Variants in COL21A1 observed in about 807,000 individuals in gnomAD.
The protein encoded by COL21A1 is collagen alpha-1(XXI) chain.
A neutral mutation model predicts 137.9 loss-of-function variants in COL21A1; 149 were observed. That is an observed-to-expected ratio of 1.08 (90% CI 0.95 to 1.24). The LOEUF is 1.24. Among genes scored for constraint, COL21A1 ranks in the 50% most tolerant of loss-of-function variants. The probability of loss-of-function intolerance (pLI) is 0.00; values close to 1 mark genes in which losing one functional copy is unlikely to be tolerated. For synonymous variants in COL21A1, 456 were observed against 391.5 expected (o/e 1.16, Z -1.95); for missense variants, 1,167 against 1,158.4 (o/e 1.01, Z -0.11).
intron 11 of COL21A1, 27 bp downstream of exon 11, chr6:56,141,903 T>C: frequency 1.3e-6 from 2 of 1,576,188 alleles, no homozygotes; most frequent in Non-Finnish European, 1.7e-6. Context: ...ATAAAATTTA[T>C]AAAATGTATA....
intron 1 of COL21A1, among the ~76,000 whole-genome samples, chr6:56,267,734 G>T (rs943730073): frequency 2.8e-5 from 4 of 140,516 alleles, no homozygotes; most frequent in Non-Finnish European, 4.6e-5. Context: ...TCCAGCCTGG[G>T]CAACAGAGCA....
At chr6:56,164,165 G>GA (rs998565637) in intron 9 of COL21A1, among the ~76,000 whole-genome samples, 2 of 152,064 alleles carry the variant, frequency 1.3e-5, no homozygotes, top group South Asian at 4.1e-4. Flanking sequence ...GTATTTGGGG[G>GA]AAAAAAACAA....
intron 10 of COL21A1, among the ~76,000 whole-genome samples, chr6:56,142,696 C>T (rs1171153054): frequency 6.6e-6 from 1 of 152,216 alleles, no homozygotes; most frequent in African/African-American, 2.4e-5. Context: ...AGGCTCTAAA[C>T]ATTTATCTAG....
Position 56,097,845 on chromosome 6 carries a change from A to C in COL21A1, c.1812+3627T>G, listed in dbSNP as rs1301927799. 1.4e-3 allele frequency among the ~76,000 whole-genome samples: 66 copies of C among 45,994 alleles called. 6 individuals carry two copies. In the South Asian group the frequency reaches 0.04, roughly 28 times the overall value. The allele number at this position is 45,994 out of a possible 152,430, so 30.2% of individuals were successfully genotyped here. A position where few individuals can be genotyped will look rare whatever the true frequency, so the allele number is the denominator to read the frequency against. On this transcript the variant is annotated intron_variant, in intron 17 of 29. Transcript: ENST00000244728. ...TACATATAAATATATATAAATATAT[A>C]AATATATATAAATATATAAAAATAT... is the stretch of plus-strand genomic sequence containing the variant.
intron 17 of COL21A1, among the ~76,000 whole-genome samples, chr6:56,079,574 A>C (rs1392844646): frequency 1.3e-5 from 2 of 150,596 alleles, no homozygotes; most frequent in Non-Finnish European, 3.0e-5. Context: ...CCCACAGTTT[A>C]CTCCTTGGAT....
intron 1 of COL21A1, among the ~76,000 whole-genome samples, chr6:56,192,674 A>C (rs1310806265): frequency 6.6e-6 from 1 of 152,224 alleles, no homozygotes; most frequent in Non-Finnish European, 1.5e-5. Context: ...ATCATTAAAA[A>C]GTCAAGAAAC....
chr6:56,378,043 C>T (rs1346528992), intron 1 of COL21A1, among the ~76,000 whole-genome samples: 4 of 152,094 alleles, frequency 2.6e-5, no homozygotes, highest in East Asian at 1.9e-4. Context: ...CTAAAGAGCC[C>T]TTGGGCCCCA....
intron 1 of COL21A1, among the ~76,000 whole-genome samples, chr6:56,350,883 T>C (rs957012352): frequency 3.3e-5 from 5 of 152,210 alleles, no homozygotes; most frequent in Admixed American, 3.3e-4. Flanking sequence ...GAGGTCCCCG[T>C]TTCTGTCATG....
chr6:56,322,235 T>C (rs1222453168), intron 1 of COL21A1, among the ~76,000 whole-genome samples: 1 of 152,060 alleles, frequency 6.6e-6, no homozygotes, highest in East Asian at 1.9e-4. Context: ...GCAGCCAGCA[T>C]TGGTCAAGAG....
intron 1 of COL21A1, among the ~76,000 whole-genome samples, chr6:56,185,910 C>T (rs1241829838): frequency 6.6e-6 from 1 of 151,720 alleles, no homozygotes; most frequent in Non-Finnish European, 1.5e-5. Flanking sequence ...TAAAATAAAA[C>T]TATTTGTTTT....
intron 12 of COL21A1, among the ~76,000 whole-genome samples, chr6:56,135,300 A>G (rs1331606828): frequency 2.0e-5 from 3 of 152,190 alleles, no homozygotes; most frequent in Admixed American, 6.5e-5. Flanking sequence ...CAGTAGGAAA[A>G]TAAAAGATAT....
At chr6:56,132,078 T>C (rs967603252) in intron 12 of COL21A1, among the ~76,000 whole-genome samples, 3 of 149,718 alleles carry the variant, frequency 2.0e-5, no homozygotes, top group African/African-American at 7.3e-5. Context: ...ATATAAAAAA[T>C]AAATAGCTTT....
intron 1 of COL21A1, among the ~76,000 whole-genome samples, chr6:56,383,454 T>G (rs899948048): frequency 6.6e-6 from 1 of 152,242 alleles, no homozygotes; most frequent in Admixed American, 6.5e-5. Flanking sequence ...TCTGATAAAC[T>G]ATTCCACACT....
At chr6:56,244,479 C>T (rs1273661097) in intron 1 of COL21A1, among the ~76,000 whole-genome samples, 1 of 152,174 alleles carries the variant, frequency 6.6e-6, no homozygotes, top group African/African-American at 2.4e-5. Flanking sequence ...CCTCTTTCCA[C>T]AGTGAGTCAA....
intron 16 of COL21A1, among the ~76,000 whole-genome samples, chr6:56,113,019 G>A (rs183498226): frequency 2.4e-4 from 37 of 152,264 alleles, no homozygotes; most frequent in African/African-American, 8.9e-4. Context: ...AGCCAAAGGA[G>A]AATTACCCAT....
intron 1 of COL21A1, among the ~76,000 whole-genome samples, chr6:56,206,295 C>A: frequency 2.1e-5 from 3 of 141,658 alleles, no homozygotes; most frequent in Non-Finnish European, 1.5e-5. Context: ...GAATATTTAC[C>A]AAGCAAATGG....
At chr6:56,293,267 T>C (rs2152335969) in intron 1 of COL21A1, among the ~76,000 whole-genome samples, 1 of 152,326 alleles carries the variant, frequency 6.6e-6, no homozygotes. Flanking sequence ...GTGTTCCAGA[T>C]TTGCCAAAAC....
chr6:56,327,907 C>T (rs1209651124), intron 1 of COL21A1, among the ~76,000 whole-genome samples: 1 of 152,042 alleles, frequency 6.6e-6, no homozygotes, highest in African/African-American at 2.4e-5. Flanking sequence ...AACCCAGCAC[C>T]TGCAGCTGAG....
intron 12 of COL21A1, among the ~76,000 whole-genome samples, chr6:56,131,769 C>T (rs1465089123): frequency 1.3e-5 from 2 of 152,098 alleles, no homozygotes. Flanking sequence ...TGCAAATACA[C>T]ACACACACGT....
Sources: allele counts gnomAD v4.1 joint callset (sites outside exome capture counted in the v4.1 genomes callset), GRCh38; gene constraint gnomAD v4.1.1; transcripts MANE v1.5; gene names NCBI Gene and HGNC (gene_info 2026-07-23, HGNC 2026-07-21).